The following PLCD1 variants were observed in gnomAD, a reference collection of about 807,000 sequenced individuals.
The protein encoded by PLCD1 is 1-phosphatidylinositol 4,5-bisphosphate phosphodiesterase delta-1.
Under a neutral mutation model 87.4 loss-of-function variants are expected in PLCD1, and 71 were observed. The observed-to-expected ratio is 0.81, with a 90% CI of 0.67 to 0.99. The LOEUF is 0.99. PLCD1 is among the 50% of genes least tolerant of loss of function. PLCD1 has a pLI of 0.00. For synonymous variants in PLCD1, 348 were observed against 399.2 expected, an observed-to-expected ratio of 0.87 and a Z score of 1.53; for missense variants, 867 against 1,001.5, an observed-to-expected ratio of 0.87 and a Z score of 1.81.
chr3:38,027,050 A>G (rs974336520), intron 1 of PLCD1, among the ~76,000 whole-genome samples: 2 of 152,152 alleles, frequency 1.3e-5, no homozygotes, highest in African/African-American at 4.8e-5. Context: ...CCTTTGGGGC[A>G]CATCGGGGGA....
At position 38,009,417 on chromosome 3, in the gene PLCD1, C is replaced by T; in HGVS notation, c.1461G>A (p.Arg487=). The change falls in exon 10 of 15, where the codon AGG becomes AGA. Residue 487 remains arginine (R), a synonymous_variant. Coordinates refer to ENST00000334661, the MANE Select transcript of PLCD1 (RefSeq NM_006225.4). ...CCATGTCAGAGAGCTCCTGTGCTAG[C>T]CTGAGCTTGTCCTCCTGGGGAACAC... ...VQHKPKEDKL[R]LAQELSDMVI... 6.2e-7 allele frequency: 1 copy of T among 1,614,228 alleles called. No homozygotes were observed. The highest frequency in any genetic ancestry group is 8.5e-7 in the Non-Finnish European group (1 of 1,180,038).
At position 38,010,524 on chromosome 3, in the gene PLCD1, T is replaced by C; in HGVS notation, c.829A>G (p.Met277Val). 5 of 1,614,046 alleles carry C rather than the reference T, an allele frequency of 3.1e-6. No individual in the cohort carries two copies. The highest frequency in any genetic ancestry group is 2.5e-6 in the Non-Finnish European group (3 of 1,179,970). The change falls in exon 6 of 15, where the codon ATG becomes GTG. Residue 277 changes from methionine to valine, a missense_variant. Physicochemically the swap from Met to Val is conservative, Grantham distance 21. Transcript: ENST00000334661. Reference sequence around the variant, plus strand: ...CTGCCGTCAGCCGACAGTAAGTACATGAGGAAGCCGTCCTTGGTCATCTGC... The same window carrying C: ...CTGCCGTCAGCCGACAGTAAGTACACGAGGAAGCCGTCCTTGGTCATCTGC... ...QRQMTKDGFL[M>V]YLLSADGSAF...
rs754977914 is a variant in PLCD1 at position 38,008,407 on chromosome 3, T to C, written c.1903-40A>G. 1.9e-6 allele frequency: 3 copies of C among 1,614,156 alleles called. No homozygotes were observed. In the South Asian group the frequency reaches 3.3e-5, roughly 18 times the overall value. ...AGGACAATGGACAGTTCAGGAGTGG[T>C]AGCGGGGAAGGGAGGTCCGTGGGCA... On this transcript the variant is annotated intron_variant, in intron 12 of 14. Coordinates refer to ENST00000334661, the MANE Select transcript of PLCD1 (RefSeq NM_006225.4).
chr3:38,020,562 A>G (rs1267270671), intron 1 of PLCD1, among the ~76,000 whole-genome samples: 1 of 152,108 alleles, frequency 6.6e-6, no homozygotes, highest in African/African-American at 2.4e-5. Flanking sequence ...ATTGCCAGCT[A>G]AGGTGACCAT....
Position 38,007,745 on chromosome 3 carries a change from A to T in PLCD1, c.*28T>A. The T allele has an allele frequency of 6.4e-7, 1 of 1,566,164 alleles. No individual in the cohort carries two copies. Among genetic ancestry groups the T allele is most frequent in the Non-Finnish European group, 8.8e-7 (1 of 1,136,490 alleles). On this transcript the variant is annotated 3_prime_UTR_variant, in exon 15 of 15. Transcript: ENST00000334661. The stretch of plus-strand genomic sequence containing the variant: ...TGTGGACAGAGGGCCCAGCCCACTC[A>T]GGGGGGACCCCACTGGCTTCCTCCA...
chr3:38,009,603 AG>A, intron 9 of PLCD1, 49 bp downstream of exon 9: 1 of 1,607,238 alleles, frequency 6.2e-7, no homozygotes, highest in Non-Finnish European at 8.5e-7. Context: ...CCCACGGGTG[AG>A]GGGATGGGGA....
rs545143851 is a variant in PLCD1 at position 38,009,672 on chromosome 3, C to T, written c.1427G>A (p.Arg476His). The change falls in exon 9 of 15, where the codon CGT (arginine) becomes CAT (histidine). Residue 476 changes from arginine to histidine, a missense_variant. Physicochemically the swap from Arg to His is conservative, Grantham distance 29. Transcript: ENST00000334661. ...TCAAACCTTGGGCTTGTGCTGCACA[C>T]GGCTCCTCACTGCCTCATCCTCCAT... ...AEMEDEAVRS[R>H]VQHKPKEDKL... 92 of 1,614,140 alleles carry T rather than the reference C, an allele frequency of 5.7e-5. No homozygotes were observed. Among genetic ancestry groups the T allele is most frequent in the East Asian group, 6.7e-5 (3 of 44,874 alleles).
chr3:38,011,947 A>G (rs1166613774), intron 3 of PLCD1, among the ~76,000 whole-genome samples: 1 of 152,210 alleles, frequency 6.6e-6, no homozygotes, highest in Non-Finnish European at 1.5e-5. Context: ...AGAAAAGTAA[A>G]CAATCAAACA....
chr3:38,010,384 G>A lies in PLCD1; in HGVS notation c.969C>T (p.Pro323=), dbSNP rs374030009. The A allele has an allele frequency of 8.1e-6, 13 of 1,614,198 alleles. No individual in the cohort carries two copies. Among genetic ancestry groups the A allele is most frequent in the African/African-American group, 1.3e-5 (1 of 75,068 alleles). The change falls in exon 6 of 15, where the codon CCC becomes CCT. Residue 323 remains proline (P), a synonymous_variant. Transcript: ENST00000334661. ...ACCGGATGTAGGCTTCAGTGCTGCTGGGCCCGGCTAGCTGGTCCTCCAGCA... is the reference window on the plus strand; with the variant it reads ...ACCGGATGTAGGCTTCAGTGCTGCTAGGCCCGGCTAGCTGGTCCTCCAGCA... The part of the protein sequence containing the change: ...TYLLEDQLAG[P]SSTEAYIRAL...
At position 38,011,678 on chromosome 3, in the gene PLCD1, G is replaced by A. The variant is rs189847852; in HGVS notation, c.429-5C>T. 26 of 1,614,112 alleles carry A rather than the reference G, an allele frequency of 1.6e-5. No individual in the cohort carries two copies. The African/African-American group carries it at 2.5e-4, about 16-fold the overall frequency. On this transcript the variant is annotated splice_polypyrimidine_tract_variant and splice_region_variant and intron_variant, in intron 3 of 14. Coordinates refer to ENST00000334661, the MANE Select transcript of PLCD1 (RefSeq NM_006225.4). ...CGCAAGCAGGAGTGAATCCAGCTGG[G>A]CAAGAAGTAAGGAAAGAACCCAGGA...
chr3:38,012,550 T>C (rs1234350278), intron 3 of PLCD1, among the ~76,000 whole-genome samples: 2 of 150,612 alleles, frequency 1.3e-5, no homozygotes, highest in Admixed American at 1.3e-4. Flanking sequence ...GGAGTCTTGC[T>C]CTGTTGCCCA....
intron 10 of PLCD1, 35 bp from the exon 11 acceptor site, chr3:38,009,193 C>A: frequency 6.2e-7 from 1 of 1,612,276 alleles, no homozygotes; most frequent in African/African-American, 1.3e-5. Context: ...GCAGTGGAGG[C>A]CTCCTGGTGA....
In PLCD1 at chr3:38,029,540, G is replaced by A; in HGVS notation, c.-1C>T. 1 of 1,537,812 alleles carries A rather than the reference G, an allele frequency of 6.5e-7. No homozygotes were observed. On this transcript the variant is annotated 5_prime_UTR_variant, in exon 1 of 15. Coordinates refer to ENST00000334661, the MANE Select transcript of PLCD1 (RefSeq NM_006225.4). ...TCAGGAAGTCCCGGCCCGAGTCCAT[G>A]CCCGACGGGCGGCGCGGCGGGAGGG... is the stretch of plus-strand genomic sequence containing the variant.
intron 1 of PLCD1, among the ~76,000 whole-genome samples, chr3:38,027,639 AGAGAGTGTG>A (rs1461259965): frequency 1.6e-4 from 25 of 152,236 alleles, no homozygotes; most frequent in Middle Eastern, 3.2e-3. Context: ...GGCTCCTTCC[AGAGAGTGTG>A]GAGCCCTAGG....
At chr3:38,024,867 T>G in intron 1 of PLCD1, 1 of 487,528 alleles carries the variant, frequency 2.1e-6, no homozygotes, top group Non-Finnish European at 3.1e-6. Flanking sequence ...CCCCTGGAGA[T>G]GGGGCGAGAG....
At chr3:38,012,338 T>C (rs1700093037) in intron 3 of PLCD1, among the ~76,000 whole-genome samples, 1 of 151,912 alleles carries the variant, frequency 6.6e-6, no homozygotes, top group Non-Finnish European at 1.5e-5. Context: ...ATAATAAATA[T>C]CCAACACTAA....
chr3:38,027,340 A>G (rs190408372), intron 1 of PLCD1, among the ~76,000 whole-genome samples: 186 of 152,356 alleles, frequency 1.2e-3, no homozygotes, highest in African/African-American at 4.3e-3. Context: ...ACTGGGTACC[A>G]GGCACTGTTC....
Position 38,009,109 on chromosome 3 carries a change from C to T in PLCD1, c.1656G>A (p.Pro552=), listed in dbSNP as rs767067243. 6.8e-6 allele frequency: 11 copies of T among 1,613,960 alleles called. No individual in the cohort carries two copies. Among genetic ancestry groups the T allele is most frequent in the East Asian group, 2.2e-5 (1 of 44,892 alleles). Residue 552 remains proline, a synonymous_variant, in exon 11 of 15, where the codon CCG becomes CCA. Coordinates refer to ENST00000334661, the MANE Select transcript of PLCD1 (RefSeq NM_006225.4). ...HNVGHLSRIY[P]AGWRTDSSNY... ...TGGAGGAGTCTGTTCTCCATCCAGC[C>T]GGGTAGATTCTGCTCAGGTGCCCCA...
At position 38,009,261 on chromosome 3, in the gene PLCD1, C is replaced by CCAGG; in HGVS notation, c.1606+7_1606+10dup. 1 of 1,614,020 alleles carries CCAGG rather than the reference C, an allele frequency of 6.2e-7. No homozygotes were observed. The highest frequency in any genetic ancestry group is 8.5e-7 in the Non-Finnish European group (1 of 1,179,956). ...AACAGAGCAGGGGAGTGGTGGGGAG[C>CCAGG]CAGGCCTCACCTGATTCTTGGAGCA... On this transcript the variant is annotated intron_variant, in intron 10 of 14. Transcript: ENST00000334661.
Sources: gnomAD v4.1 joint callset for allele counts (sites outside exome capture counted in the v4.1 genomes callset) on GRCh38, gnomAD v4.1.1 for gene constraint, MANE v1.5 for transcripts, NCBI Gene and HGNC (gene_info 2026-07-23, HGNC 2026-07-21) for gene names.